Variants in CLSTN2 observed in about 807,000 individuals in gnomAD.
CLSTN2 encodes the protein calsyntenin 2, also known as calsyntenin-2.
CLSTN2 carries 48 observed loss-of-function variants against 101.2 expected under a neutral mutation model. That is an observed-to-expected ratio of 0.47 (90% CI 0.38 to 0.60). The LOEUF is 0.60. CLSTN2 is among the 20% of genes least tolerant of loss of function. The pLI, the probability that CLSTN2 is intolerant of heterozygous loss-of-function variation, is 0.00. For synonymous variants in CLSTN2, 481 were observed against 463.6 expected, an observed-to-expected ratio of 1.04 and a Z score of -0.48; for missense variants, 1,160 against 1,238.2, an observed-to-expected ratio of 0.94 and a Z score of 0.95.
At chr3:140,078,407 T>C (rs1013409694) in intron 1 of CLSTN2, among the ~76,000 whole-genome samples, 23 of 152,318 alleles carry the variant, frequency 1.5e-4, no homozygotes, top group African/African-American at 4.6e-4. Flanking sequence ...GCCAACATAG[T>C]ACCAATGTGT....
intron 1 of CLSTN2, among the ~76,000 whole-genome samples, chr3:140,063,931 C>T (rs1462040440): frequency 6.6e-6 from 1 of 152,198 alleles, no homozygotes; most frequent in Non-Finnish European, 1.5e-5. Context: ...CTAACAGTGA[C>T]CCCTGGGTGC....
chr3:140,166,960 C>T (rs938328176), intron 1 of CLSTN2, among the ~76,000 whole-genome samples: 1 of 152,202 alleles, frequency 6.6e-6, no homozygotes, highest in Non-Finnish European at 1.5e-5. Context: ...CATGAGCTGA[C>T]TAACCTCGCT....
At chr3:140,222,208 A>G (rs2086281038) in intron 2 of CLSTN2, among the ~76,000 whole-genome samples, 1 of 152,210 alleles carries the variant, frequency 6.6e-6, no homozygotes, top group Non-Finnish European at 1.5e-5. Context: ...AAATGAAACA[A>G]GCTAGGCAGA....
At position 139,995,052 on chromosome 3, in the gene CLSTN2, G is replaced by C. The variant is rs532643541; in HGVS notation, c.109+59569G>C. ...TGCTGGGGCACCTGTTCTGAGTTGT[G>C]GCTCTGGCTCGGAGTAGCTCTGGGG... On this transcript the variant is annotated intron_variant, in intron 1 of 16. Coordinates refer to ENST00000458420, the MANE Select transcript of CLSTN2 (RefSeq NM_022131.3). Among the ~76,000 whole-genome samples the C allele has an allele frequency of 9.2e-5, 14 of 152,308 alleles. No individual in the cohort carries two copies. In the South Asian group the frequency reaches 1.5e-3, roughly 16 times the overall value.
chr3:140,194,916 C>T (rs1032479891), intron 2 of CLSTN2, among the ~76,000 whole-genome samples: 2 of 152,228 alleles, frequency 1.3e-5, no homozygotes, highest in African/African-American at 4.8e-5. Context: ...GGATAGAACT[C>T]CTCATTACTG....
chr3:140,562,843 C>G lies in CLSTN2; in HGVS notation c.2245C>G (p.Leu749Val). Residue 749 changes from leucine to valine, a missense_variant, in exon 14 of 17, where the codon CTA (leucine) becomes GTA (valine). By Grantham distance (32) the Leu-to-Val change is conservative (BLOSUM62 1). Coordinates refer to ENST00000458420, the MANE Select transcript of CLSTN2 (RefSeq NM_022131.3). ...VGSMSRYEQV[L>V]HHIRYRNWRP... ...CTCCATGAGCCGCTATGAGCAGGTG[C>G]TACATCACATCCGCTACCGCAACTG... is the stretch of plus-strand genomic sequence containing the variant. 1 of 1,614,090 alleles carries G rather than the reference C, an allele frequency of 6.2e-7. No individual in the cohort carries two copies. The highest frequency in any genetic ancestry group is 2.2e-5 in the East Asian group (1 of 44,866).
chr3:140,038,259 T>C (rs528498886), intron 1 of CLSTN2, among the ~76,000 whole-genome samples: 21 of 152,308 alleles, frequency 1.4e-4, no homozygotes, highest in Admixed American at 3.3e-4. Flanking sequence ...TGAGATGGTA[T>C]CTCATTTCTG....
intron 8 of CLSTN2, among the ~76,000 whole-genome samples, chr3:140,511,582 C>T (rs1934815661): frequency 7.6e-6 from 1 of 130,994 alleles, no homozygotes; most frequent in Non-Finnish European, 1.6e-5. Flanking sequence ...CAGAGCCTCA[C>T]TCTGTCACCC....
intron 8 of CLSTN2, among the ~76,000 whole-genome samples, chr3:140,480,640 C>A (rs182443039): frequency 3.3e-5 from 5 of 152,140 alleles, no homozygotes; most frequent in African/African-American, 9.7e-5. Context: ...TCACCATTCT[C>A]ACTGGTGTGA....
intron 2 of CLSTN2, among the ~76,000 whole-genome samples, chr3:140,329,378 T>G (rs574752734): frequency 6.6e-6 from 1 of 152,332 alleles, no homozygotes; most frequent in South Asian, 2.1e-4. Context: ...AGATTGAGAC[T>G]GTCTCCTAAA....
intron 1 of CLSTN2, among the ~76,000 whole-genome samples, chr3:139,940,992 A>C (rs1159541323): frequency 6.6e-6 from 1 of 152,174 alleles, no homozygotes; most frequent in Non-Finnish European, 1.5e-5. Context: ...ACTTTCCTCC[A>C]AGCCCTGCTA....
At chr3:140,073,965 A>G (rs2008440926) in intron 1 of CLSTN2, among the ~76,000 whole-genome samples, 1 of 152,128 alleles carries the variant, frequency 6.6e-6, no homozygotes, top group Non-Finnish European at 1.5e-5. Context: ...TCTGGTGGTC[A>G]AGGAAGGCTG....
intron 1 of CLSTN2, among the ~76,000 whole-genome samples, chr3:140,051,808 A>T (rs1318887609): frequency 6.6e-6 from 1 of 152,170 alleles, no homozygotes; most frequent in Non-Finnish European, 1.5e-5. Context: ...TTCAATATGC[A>T]GCCACAAAGC....
At chr3:139,976,914 T>G (rs546327358) in intron 1 of CLSTN2, among the ~76,000 whole-genome samples, 4 of 152,272 alleles carry the variant, frequency 2.6e-5, no homozygotes, top group Non-Finnish European at 4.4e-5. Context: ...AGGCAAATAT[T>G]CAGTTTACTC....
chr3:140,039,156 T>C (rs1032081536), intron 1 of CLSTN2, among the ~76,000 whole-genome samples: 1 of 152,196 alleles, frequency 6.6e-6, no homozygotes, highest in Non-Finnish European at 1.5e-5. Flanking sequence ...TTCTTTTACC[T>C]GGATATCTTT....
At chr3:140,298,716 C>G (rs1392928269) in intron 2 of CLSTN2, among the ~76,000 whole-genome samples, 2 of 152,184 alleles carry the variant, frequency 1.3e-5, no homozygotes, top group Non-Finnish European at 2.9e-5. Flanking sequence ...CCTCCAAAAG[C>G]CCATTGTCCA....
chr3:139,943,071 T>C (rs998490930), intron 1 of CLSTN2, among the ~76,000 whole-genome samples: 3 of 152,044 alleles, frequency 2.0e-5, no homozygotes, highest in South Asian at 2.1e-4. Context: ...CGCAGCCCCA[T>C]ATGTCCCAAA....
chr3:139,985,652 TA>T (rs1936010848), intron 1 of CLSTN2, among the ~76,000 whole-genome samples: 1 of 152,122 alleles, frequency 6.6e-6, no homozygotes, highest in African/African-American at 2.4e-5. Flanking sequence ...TAGCTGTCAC[TA>T]AAAAAGGCTT....
intron 1 of CLSTN2, among the ~76,000 whole-genome samples, chr3:140,130,609 T>C (rs991473372): frequency 6.6e-6 from 1 of 152,132 alleles, no homozygotes; most frequent in Non-Finnish European, 1.5e-5. Flanking sequence ...GCTCACATTC[T>C]TCTAATGGCA....
Sources: gnomAD v4.1 joint callset for allele counts (sites outside exome capture counted in the v4.1 genomes callset) on GRCh38, gnomAD v4.1.1 for gene constraint, MANE v1.5 for transcripts, NCBI Gene and HGNC (gene_info 2026-07-23, HGNC 2026-07-21) for gene names.